PCNX1: variants seen among roughly 807,000 people sequenced by gnomAD.
PCNX1 encodes pecanex 1.
PCNX1 carries 78 observed loss-of-function variants against 242.2 expected under a neutral mutation model. The ratio of observed to expected loss-of-function variants is 0.32; its 90% CI spans 0.27 to 0.39. The LOEUF (loss-of-function observed/expected upper bound fraction) is 0.39, where lower values mean the gene tolerates loss of function less well. Ranked by LOEUF, PCNX1 falls within the 10% of genes least tolerant of loss-of-function variation. The pLI is 1.00. For synonymous variants in PCNX1, 1,024 were observed against 1,032.9 expected (o/e 0.99, Z 0.17); for missense variants, 2,581 against 2,856.5 (o/e 0.90, Z 2.20).
At chr14:70,925,064 C>T (rs1384031267) in intron 1 of PCNX1, among the ~76,000 whole-genome samples, 1 of 151,994 alleles carries the variant, frequency 6.6e-6, no homozygotes, top group East Asian at 1.9e-4. Flanking sequence ...TCTCAGCTCA[C>T]TGCAACCTCC....
intron 16 of PCNX1, 106 bp from the exon 17 acceptor site, chr14:71,033,323 G>A: frequency 6.9e-6 from 4 of 583,194 alleles, no homozygotes; most frequent in Non-Finnish European, 1.2e-5. Flanking sequence ...AAAAACTTTT[G>A]TTGAATTTAA....
chr14:71,022,521 T>G (rs2140800493), intron 12 of PCNX1, among the ~76,000 whole-genome samples: 1 of 152,238 alleles, frequency 6.6e-6, no homozygotes, highest in East Asian at 1.9e-4. Context: ...TGGCCCAGTA[T>G]CGAATGGTAG....
chr14:70,992,303 T>C (rs1354201740), intron 7 of PCNX1, among the ~76,000 whole-genome samples: 2 of 152,282 alleles, frequency 1.3e-5, no homozygotes, highest in South Asian at 2.1e-4. Flanking sequence ...ATTCTTAAAA[T>C]TTATTTTTTA....
chr14:71,114,631 T>C lies in PCNX1; in HGVS notation c.*4696T>C, dbSNP rs2062818433. ...ACTAGAGCTGATTGTCACCACAAGG[T>C]TATATGACAACTCTGTTCTAAGACT... is the stretch of plus-strand genomic sequence containing the variant. On this transcript the variant is annotated 3_prime_UTR_variant, in exon 36 of 36. Transcript: ENST00000304743. The C allele has an allele frequency of 6.6e-6, 1 of 152,580 alleles. No individual in the cohort carries two copies. Among genetic ancestry groups the C allele is most frequent in the Admixed American group, 6.5e-5 (1 of 15,272 alleles). The allele number at this position is 152,580 out of a possible 1,614,324, so 9.5% of individuals were successfully genotyped here.
intron 28 of PCNX1, among the ~76,000 whole-genome samples, chr14:71,081,711 A>G (rs1330529983): frequency 6.6e-6 from 1 of 152,130 alleles, no homozygotes; most frequent in Non-Finnish European, 1.5e-5. Flanking sequence ...CAGTGGTGAT[A>G]TCCCCTTTAT....
chr14:71,035,839 G>A (rs981249192), intron 18 of PCNX1, among the ~76,000 whole-genome samples: 1 of 152,166 alleles, frequency 6.6e-6, no homozygotes, highest in African/African-American at 2.4e-5. Context: ...AACCCAGGAG[G>A]TGGAGGTTGC....
At chr14:70,923,515 C>T (rs1328513291) in intron 1 of PCNX1, among the ~76,000 whole-genome samples, 1 of 152,164 alleles carries the variant, frequency 6.6e-6, no homozygotes, top group Non-Finnish European at 1.5e-5. Context: ...TTTCTACCTG[C>T]ACATGATCCT....
chr14:70,977,564 C>G lies in PCNX1; in HGVS notation c.1227C>G (p.His409Gln). The G allele has an allele frequency of 1.2e-6, 2 of 1,614,172 alleles. No individual in the cohort carries two copies. The highest frequency in any genetic ancestry group is 1.7e-6 in the Non-Finnish European group (2 of 1,180,042). Reference protein sequence around the residue: ...SYKSEQTSSTHIESILSEHEE... With the variant: ...SYKSEQTSSTQIESILSEHEE... ...AAAGTGAGCAGACCAGCTCAACTCA[C>G]ATAGAGAGCATCCTGTCAGAGCATG... is the stretch of plus-strand genomic sequence containing the variant. Residue 409 changes from histidine (H) to glutamine (Q), a missense_variant, in exon 6 of 36, where the codon CAC becomes CAG. His to Gln is a conservative substitution (Grantham distance 24). Coordinates refer to ENST00000304743, the MANE Select transcript of PCNX1 (RefSeq NM_014982.3).
chr14:71,028,103 A>G (rs1300216894), intron 15 of PCNX1, among the ~76,000 whole-genome samples: 1 of 151,908 alleles, frequency 6.6e-6, no homozygotes, highest in Non-Finnish European at 1.5e-5. Context: ...CCTTATTACT[A>G]ATAACTCCCA....
intron 26 of PCNX1, among the ~76,000 whole-genome samples, chr14:71,070,145 C>T (rs1384549885): frequency 2.0e-5 from 3 of 152,162 alleles, no homozygotes; most frequent in African/African-American, 4.8e-5. Flanking sequence ...CAGCTCTTTA[C>T]GTTTTATCAG....
At position 71,073,793 on chromosome 14, in the gene PCNX1, G is replaced by A; in HGVS notation, c.5101G>A (p.Val1701Ile). Residue 1701 changes from valine (V) to isoleucine (I), a missense_variant, in exon 27 of 36, where the codon GTC (valine) becomes ATC (isoleucine). Val to Ile is a conservative substitution (Grantham distance 29, BLOSUM62 3). Around this residue, in one of 9 missense-constraint regions of PCNX1, gnomAD observed 298 missense variants for 480.1 expected, o/e 0.62. Coordinates refer to ENST00000304743, the MANE Select transcript of PCNX1 (RefSeq NM_014982.3). Reference protein sequence around the residue: ...DLRKVLTTYYVKGIIYYVTTS... With the variant: ...DLRKVLTTYYIKGIIYYVTTS... ...TCGGAAAGTACTCACCACTTACTAT[G>A]TCAAGGTAGGAGTATGTGCCTACTT... 1 of 1,598,868 alleles carries A rather than the reference G, an allele frequency of 6.3e-7. No individual in the cohort carries two copies.
intron 30 of PCNX1, among the ~76,000 whole-genome samples, chr14:71,096,979 G>A (rs1471046692): frequency 2.6e-5 from 4 of 152,076 alleles, no homozygotes; most frequent in African/African-American, 9.7e-5. Flanking sequence ...TACAGAGAAG[G>A]ATGTACCTCC....
chr14:70,935,759 A>G (rs76368409), intron 1 of PCNX1, among the ~76,000 whole-genome samples: 1,834 of 152,318 alleles, frequency 0.012, 16 homozygotes, highest in African/African-American at 0.019. Context: ...ACATTTGAAA[A>G]TGGAATTGGC....
At chr14:70,970,964 T>C (rs2058521323) in intron 5 of PCNX1, among the ~76,000 whole-genome samples, 1 of 152,234 alleles carries the variant, frequency 6.6e-6, no homozygotes, top group African/African-American at 2.4e-5. Context: ...GGCACTGTTA[T>C]TATTCTCACT....
chr14:70,942,930 G>A (rs59216102), intron 1 of PCNX1: 10,049 of 152,340 alleles, frequency 0.066, 450 homozygotes, highest in East Asian at 0.27. Context: ...TCTTGAGATA[G>A]TGAGTTCTCA....
chr14:71,110,158 G>T lies in PCNX1; in HGVS notation c.*223G>T, dbSNP rs1209947649. On this transcript the variant is annotated 3_prime_UTR_variant, in exon 36 of 36. Coordinates refer to ENST00000304743, the MANE Select transcript of PCNX1 (RefSeq NM_014982.3). ...GCTGAAATATTTTTTTAAGTTAGCT[G>T]CCGAGAAAACATTTTGCATGAAGGA... is the stretch of plus-strand genomic sequence containing the variant. 3.0e-5 allele frequency: 18 copies of T among 593,994 alleles called. No homozygotes were observed. In the Admixed American group the frequency reaches 4.4e-4, roughly 14 times the overall value. 36.8% of individuals were successfully genotyped at this position (593,994 alleles called of 1,614,324 possible).
chr14:71,046,019 T>G (rs1000555381), intron 20 of PCNX1, among the ~76,000 whole-genome samples: 1 of 152,136 alleles, frequency 6.6e-6, no homozygotes, highest in Non-Finnish European at 1.5e-5. Context: ...TACCAATGAT[T>G]AAATAAGCCA....
chr14:71,041,820 A>ATACTG (rs1279330748), intron 19 of PCNX1, among the ~76,000 whole-genome samples: 2 of 142,350 alleles, frequency 1.4e-5, no homozygotes, highest in African/African-American at 5.5e-5. Flanking sequence ...ATACTATACT[A>ATACTG]TACTATACAC....
chr14:71,083,091 T>C (rs2061896171), intron 28 of PCNX1, among the ~76,000 whole-genome samples: 1 of 152,194 alleles, frequency 6.6e-6, no homozygotes, highest in Non-Finnish European at 1.5e-5. Flanking sequence ...TAAAGGATTT[T>C]ATTACTCCTT....
Sources: gnomAD v4.1 joint callset for allele counts (sites outside exome capture counted in the v4.1 genomes callset) on GRCh38, gnomAD v4.1.1 for gene constraint, gnomAD v4.1.1 regional missense constraint, MANE v1.5 for transcripts, NCBI Gene and HGNC (gene_info 2026-07-23, HGNC 2026-07-21) for gene names.